The following CAMK2G variants were observed in gnomAD, a reference collection of about 807,000 sequenced individuals.
CAMK2G encodes calcium/calmodulin dependent protein kinase II gamma.
Under a neutral mutation model 88.7 loss-of-function variants are expected in CAMK2G, and 23 were observed. The ratio of observed to expected loss-of-function variants is 0.26; its 90% CI spans 0.19 to 0.37. CAMK2G has a LOEUF of 0.37. Ranked by LOEUF, CAMK2G falls within the 10% of genes least tolerant of loss-of-function variation. The probability of loss-of-function intolerance (pLI) is 1.00; values close to 1 mark genes in which losing one functional copy is unlikely to be tolerated. For synonymous variants in CAMK2G, 263 were observed against 294.8 expected (o/e 0.89, Z 1.11); for missense variants, 476 against 780.8 (o/e 0.61, Z 4.65).
At chr10:73,830,660 A>C (rs2092291586) in intron 14 of CAMK2G, among the ~76,000 whole-genome samples, 1 of 152,196 alleles carries the variant, frequency 6.6e-6, no homozygotes, top group African/African-American at 2.4e-5. Flanking sequence ...AGCAGAAGGC[A>C]CAAGTTGTCC....
chr10:73,845,317 T>C (rs893417228), intron 10 of CAMK2G, among the ~76,000 whole-genome samples: 4 of 152,130 alleles, frequency 2.6e-5, no homozygotes, highest in Non-Finnish European at 4.4e-5. Context: ...GCGCAGTGGC[T>C]CATGCCTGTA....
chr10:73,846,182 C>T (rs1290766713), intron 10 of CAMK2G, among the ~76,000 whole-genome samples: 1 of 152,166 alleles, frequency 6.6e-6, no homozygotes, highest in Admixed American at 6.6e-5. Flanking sequence ...AAAATCCAAA[C>T]TCCTGAGGCA....
At chr10:73,822,459 C>T (rs2089280337) in intron 17 of CAMK2G, among the ~76,000 whole-genome samples, 2 of 152,300 alleles carry the variant, frequency 1.3e-5, no homozygotes, top group South Asian at 4.1e-4. Flanking sequence ...TGAGCCACCA[C>T]GCCCGGGCCT....
intron 1 of CAMK2G, among the ~76,000 whole-genome samples, chr10:73,873,940 C>CG (rs2095966166): frequency 4.8e-4 from 1 of 2,070 alleles, no homozygotes; most frequent in Non-Finnish European, 9.4e-4. Context: ...GCGGCACCCG[C>CG]GGGGGGCGGG....
At chr10:73,856,618 G>T (rs2095058855) in intron 3 of CAMK2G, among the ~76,000 whole-genome samples, 1 of 152,248 alleles carries the variant, frequency 6.6e-6, no homozygotes, top group African/African-American at 2.4e-5. Flanking sequence ...AGGGACTATG[G>T]ATGCGTGGAA....
chr10:73,840,692 G>A (rs890384274), intron 12 of CAMK2G, among the ~76,000 whole-genome samples: 3 of 152,208 alleles, frequency 2.0e-5, no homozygotes, highest in Admixed American at 6.5e-5. Flanking sequence ...GTGGAGGCCC[G>A]GGGCTGCAAG....
At chr10:73,815,328 T>C in intron 21 of CAMK2G, 81 bp from the exon 22 acceptor site, 1 of 934,432 alleles carries the variant, frequency 1.1e-6, no homozygotes, top group East Asian at 2.5e-5. Flanking sequence ...TTCCAAGTCT[T>C]ACCATCTCCC....
chr10:73,858,737 G>C (rs528646193), intron 3 of CAMK2G, among the ~76,000 whole-genome samples: 1 of 152,258 alleles, frequency 6.6e-6, no homozygotes. Flanking sequence ...GATGGTAAAA[G>C]TAAAGGGCTA....
chr10:73,856,622 C>T (rs549145553), intron 3 of CAMK2G, among the ~76,000 whole-genome samples: 1 of 152,136 alleles, frequency 6.6e-6, no homozygotes, highest in Admixed American at 6.5e-5. Flanking sequence ...ACTATGGATG[C>T]GTGGAATAAA....
At position 73,873,038 on chromosome 10, in the gene CAMK2G, C is replaced by A. The variant is rs141945184; in HGVS notation, c.111G>T (p.Thr37=). ...VVRRCVKKTS[T]QEYAAKIINT... ...TGATGATTTTTGCTGCGTACTCCTG[C>A]GTGGAGGTTTTCTTCACACACCTGC... is the stretch of plus-strand genomic sequence containing the variant. The change falls in exon 2 of 23, where the codon ACG becomes ACT. Residue 37 remains threonine, a synonymous_variant. Transcript: ENST00000423381. 82 of 1,613,688 alleles carry A rather than the reference C, an allele frequency of 5.1e-5. No individual in the cohort carries two copies. In the African/African-American group the frequency reaches 1.0e-3, roughly 20 times the overall value.
At chr10:73,834,140 G>C (rs1185567117) in intron 14 of CAMK2G, among the ~76,000 whole-genome samples, 1 of 151,054 alleles carries the variant, frequency 6.6e-6, no homozygotes, top group Non-Finnish European at 1.5e-5. Context: ...GGATGGTCTC[G>C]ATCTCCTGAC....
At chr10:73,849,221 A>C (rs1393804333) in intron 6 of CAMK2G, 40 bp downstream of exon 6, 1 of 1,590,344 alleles carries the variant, frequency 6.3e-7, no homozygotes, top group Non-Finnish European at 8.6e-7. Flanking sequence ...TGGCGCCAAC[A>C]CTTCATGAGC....
intron 18 of CAMK2G, among the ~76,000 whole-genome samples, chr10:73,820,492 A>ATATATATATTTTT (rs1554995765): frequency 1.4e-4 from 7 of 51,048 alleles, no homozygotes; most frequent in East Asian, 5.3e-4. Flanking sequence ...ATATATATAT[A>ATATATATATTTTT]TTTTTTTTTT....
chr10:73,820,226 G>T (rs540648495), intron 18 of CAMK2G, among the ~76,000 whole-genome samples: 1 of 151,902 alleles, frequency 6.6e-6, no homozygotes, highest in South Asian at 2.1e-4. Context: ...ATTCCAGGAG[G>T]CCCAATCAAA....
chr10:73,814,855 C>G, intron 22 of CAMK2G, 148 bp downstream of exon 22: 1 of 611,552 alleles, frequency 1.6e-6, no homozygotes, highest in South Asian at 1.9e-5. Context: ...CCAAGCATAA[C>G]TTATTGCAAC....
chr10:73,835,111 T>A (rs964733807), intron 14 of CAMK2G, among the ~76,000 whole-genome samples: 1 of 152,062 alleles, frequency 6.6e-6, no homozygotes, highest in Non-Finnish European at 1.5e-5. Flanking sequence ...GCCATCTCCT[T>A]CCAGAAGATT....
intron 21 of CAMK2G, 101 bp downstream of exon 21, chr10:73,816,918 CAAAT>C: frequency 6.2e-7 from 1 of 1,611,236 alleles, no homozygotes; most frequent in East Asian, 2.2e-5. Flanking sequence ...GCACGAAGGT[CAAAT>C]AAGGGAAAAG....
rs762418874 is a variant in CAMK2G at position 73,839,567 on chromosome 10, G to A, written c.981C>T (p.Ala327=). ...GCCCGGCCAGGCCGGCGGCGCTCGC[G>A]GCAGGCGAGGCGGGGGCGGAGCTCT... is the stretch of plus-strand genomic sequence containing the variant. The part of the protein sequence containing the change: ...GRQSSAPASP[A]ASAAGLAGQA... The change falls in exon 13 of 23, where the codon GCC becomes GCT. Residue 327 remains alanine (A), a synonymous_variant. Coordinates refer to ENST00000423381, the MANE Select transcript of CAMK2G (RefSeq NM_001367534.1). The surrounding 1 kb of genome is among the most constrained non-coding windows in gnomAD (Gnocchi z 4.2). 28 of 1,234,838 alleles carry A rather than the reference G, an allele frequency of 2.3e-5. No homozygotes were observed. In the East Asian group the frequency reaches 4.7e-4, roughly 21 times the overall value. 76.5% of individuals were successfully genotyped at this position (1,234,838 alleles called of 1,614,324 possible).
Position 73,848,748 on chromosome 10 carries a change from G to T in CAMK2G, c.518-139C>A. 1 of 651,394 alleles carries T rather than the reference G, an allele frequency of 1.5e-6. No individual in the cohort carries two copies. The highest frequency in any genetic ancestry group is 2.7e-6 in the Non-Finnish European group (1 of 364,798). 40.4% of individuals were successfully genotyped at this position (651,394 alleles called of 1,614,324 possible). On this transcript the variant is annotated intron_variant, in intron 7 of 22. Transcript: ENST00000423381. This position sits in a 1 kb window ranked among gnomAD's most constrained non-coding sequence, Gnocchi z 4.5. ...TCTCAGCACATGGGCAGCAAGAGCTGACAGGCTGGGCTTCTTGTAGCGCCT... is the reference window on the plus strand; with the variant it reads ...TCTCAGCACATGGGCAGCAAGAGCTTACAGGCTGGGCTTCTTGTAGCGCCT...
Sources: allele counts gnomAD v4.1 joint callset (sites outside exome capture counted in the v4.1 genomes callset), GRCh38; gene constraint gnomAD v4.1.1; non-coding constraint Gnocchi (gnomAD v3.1); transcripts MANE v1.5; gene names NCBI Gene and HGNC (gene_info 2026-07-23, HGNC 2026-07-21).